Variants in RSAD1 observed in about 807,000 individuals in gnomAD.
The protein encoded by RSAD1 is radical S-adenosyl methionine domain-containing protein 1, mitochondrial.
RSAD1 carries 34 observed loss-of-function variants against 46.2 expected under a neutral mutation model. The ratio of observed to expected loss-of-function variants is 0.74; its 90% confidence interval spans 0.56 to 0.98. The LOEUF (loss-of-function observed/expected upper bound fraction) is 0.98, where lower values mean the gene tolerates loss of function less well. Ranked by LOEUF, RSAD1 falls within the 50% of genes least tolerant of loss-of-function variation. The pLI is 0.00. For synonymous variants in RSAD1, 260 were observed against 253.5 expected (o/e 1.03, Z -0.24); for missense variants, 635 against 592.3 (o/e 1.07, Z -0.75).
chr17:50,482,657 C>T lies in RSAD1; in HGVS notation c.855C>T (p.Thr285=). 1.2e-6 allele frequency: 2 copies of T among 1,614,194 alleles called. No homozygotes were observed. Among genetic ancestry groups the T allele is most frequent in the Non-Finnish European group, 8.5e-7 (1 of 1,180,042 alleles). Residue 285 remains threonine, a synonymous_variant, in exon 5 of 9, where the codon ACC becomes ACT. Coordinates refer to ENST00000258955, the MANE Select transcript of RSAD1 (RefSeq NM_018346.3). ...SNFARNGALS[T]HNWTYWQCGQ... Reference sequence around the variant, plus strand: ...CCTCCCCGCAGGGGGCGCTCAGTACCCACAATTGGACTTACTGGCAGTGTG... The same window carrying T: ...CCTCCCCGCAGGGGGCGCTCAGTACTCACAATTGGACTTACTGGCAGTGTG...
At chr17:50,480,128 A>G in intron 3 of RSAD1, 44 bp downstream of exon 3, 1 of 1,582,560 alleles carries the variant, frequency 6.3e-7, no homozygotes, top group Non-Finnish European at 8.7e-7. Context: ...CCCGCCCTTC[A>G]GTGCCATCTC....
Position 50,480,004 on chromosome 17 carries a change from G to A in RSAD1, c.394G>A (p.Ala132Thr), listed in dbSNP as rs1198142904. The change falls in exon 3 of 9, where the codon GCT becomes ACT. Residue 132 changes from alanine (A) to threonine (T), a missense_variant. Transcript: ENST00000258955. Reference sequence around the variant, plus strand: ...TGCAGACTTGGAAGTCACATTGGAGGCTAATCCTACTTCAGCTCCGGGCTC... The same window carrying A: ...TGCAGACTTGGAAGTCACATTGGAGACTAATCCTACTTCAGCTCCGGGCTC... ...LPADLEVTLE[A>T]NPTSAPGSRL... 6.2e-7 allele frequency: 1 copy of A among 1,614,202 alleles called. No homozygotes were observed. Among genetic ancestry groups the A allele is most frequent in the Non-Finnish European group, 8.5e-7 (1 of 1,180,044 alleles).
At chr17:50,484,067 AG>A (rs1459519235) in intron 7 of RSAD1, 16 of 468,930 alleles carry the variant, frequency 3.4e-5, no homozygotes, top group Non-Finnish European at 5.3e-5. Flanking sequence ...AGATAGATAA[AG>A]GGTTTCCACT....
rs912572444 is a variant in RSAD1, at chr17:50,482,548, C to G, written c.840+92C>G. 1.1e-5 allele frequency: 18 copies of G among 1,611,572 alleles called. No homozygotes were observed. The African/African-American group carries it at 2.1e-4, about 19-fold the overall frequency. ...ACCTTCTGAAGAGAAGGATCCTGGC[C>G]GAGATGGTGGGACATTCTAACCTGG... On this transcript the variant is annotated intron_variant, in intron 4 of 8. Coordinates refer to ENST00000258955, the MANE Select transcript of RSAD1 (RefSeq NM_018346.3).
At position 50,485,144 on chromosome 17, in the gene RSAD1, C is replaced by T. The variant is rs2033437505; in HGVS notation, c.*283C>T. 2.2e-6 allele frequency: 1 copy of T among 455,426 alleles called. No homozygotes were observed. Among genetic ancestry groups the T allele is most frequent in the East Asian group, 3.4e-5 (1 of 29,486 alleles). 28.2% of individuals were successfully genotyped at this position (455,426 alleles called of 1,614,324 possible). A position where few individuals can be genotyped will look rare whatever the true frequency, so the allele number is the denominator to read the frequency against. On this transcript the variant is annotated 3_prime_UTR_variant, in exon 9 of 9. Transcript: ENST00000258955. The stretch of plus-strand genomic sequence containing the variant: ...CAGCTTCTGTTTACCTTTTTGGCAT[C>T]AAATAATGAACAGTGTTTGGAAATC...
At chr17:50,479,257 A>T (rs1201942525) in intron 1 of RSAD1, 2 of 502,706 alleles carry the variant, frequency 4.0e-6, no homozygotes, top group East Asian at 3.4e-5. Context: ...TTCAAATTTC[A>T]TAACAATTTT....
chr17:50,484,658 C>T (rs1417192231), intron 8 of RSAD1, 86 bp from the exon 9 acceptor site: 41 of 1,510,622 alleles, frequency 2.7e-5, no homozygotes, highest in South Asian at 1.3e-4. Flanking sequence ...GCGGGACCTG[C>T]GGGTGCTGGG....
Position 50,478,971 on chromosome 17 carries a change from G to A in RSAD1, c.87G>A (p.Gly29=). Residue 29 remains glycine (G), a synonymous_variant, in exon 1 of 9, where the codon GGG becomes GGA. Coordinates refer to ENST00000258955, the MANE Select transcript of RSAD1 (RefSeq NM_018346.3). ...GCCGCCGCGTGGAGAACGCAGGAGG[G>A]TCCCCGAGTCCTGAGCCTGCGGGCC... The part of the protein sequence containing the change: ...QRRRRVENAG[G]SPSPEPAGRR... 1 of 1,401,050 alleles carries A rather than the reference G, an allele frequency of 7.1e-7. No homozygotes were observed. Among genetic ancestry groups the A allele is most frequent in the Admixed American group, 3.1e-5 (1 of 31,924 alleles). The allele number at this position is 1,401,050 out of a possible 1,614,324, so 86.8% of individuals were successfully genotyped here.
chr17:50,480,091 C>T lies in RSAD1; in HGVS notation c.474+7C>T. On this transcript the variant is annotated splice_region_variant and intron_variant, in intron 3 of 8. Transcript: ENST00000258955. ...GTTGTCTATAGGCCTCCAGGTAACC[C>T]ATGGCACTCACCCCATCCCAGTGCA... is the stretch of plus-strand genomic sequence containing the variant. 6.2e-7 allele frequency: 1 copy of T among 1,613,682 alleles called. No individual in the cohort carries two copies. Among genetic ancestry groups the T allele is most frequent in the Non-Finnish European group, 8.5e-7 (1 of 1,179,866 alleles).
chr17:50,484,631 A>G (rs1160945961), intron 8 of RSAD1, 86 bp downstream of exon 8: 3 of 1,533,174 alleles, frequency 2.0e-6, no homozygotes, highest in African/African-American at 2.7e-5. Flanking sequence ...GAGAAGTGAG[A>G]AAGACTGACT....
Position 50,478,903 on chromosome 17 carries a change from C to A in RSAD1, c.19C>A (p.Arg7=). 5 of 1,316,420 alleles carry A rather than the reference C, an allele frequency of 3.8e-6. No homozygotes were observed. The highest frequency in any genetic ancestry group is 4.8e-6 in the Non-Finnish European group (5 of 1,040,692). The allele number at this position is 1,316,420 out of a possible 1,614,324, so 81.5% of individuals were successfully genotyped here. The stretch of plus-strand genomic sequence containing the variant: ...GGGCGCCATGGCGCTCCCCGGAGCC[C>A]GGGCTCGCGGCTGGGCGGCAGCAGC... MALPGA[R]ARGWAAAARA... Residue 7 remains arginine (R), a synonymous_variant, in exon 1 of 9, where the codon CGG becomes AGG. Transcript: ENST00000258955.
Position 50,480,098 on chromosome 17 carries a change from C to T in RSAD1, c.474+14C>T. The T allele has an allele frequency of 6.2e-7, 1 of 1,613,128 alleles. No homozygotes were observed. The highest frequency in any genetic ancestry group is 1.1e-5 in the South Asian group (1 of 91,054). Reference sequence around the variant, plus strand: ...ATAGGCCTCCAGGTAACCCATGGCACTCACCCCATCCCAGTGCACCCCGCC... The same window carrying T: ...ATAGGCCTCCAGGTAACCCATGGCATTCACCCCATCCCAGTGCACCCCGCC... On this transcript the variant is annotated intron_variant, in intron 3 of 8. Coordinates refer to ENST00000258955, the MANE Select transcript of RSAD1 (RefSeq NM_018346.3).
Position 50,480,052 on chromosome 17 carries a change from G to T in RSAD1, c.442G>T (p.Ala148Ser). The T allele has an allele frequency of 6.2e-7, 1 of 1,614,134 alleles. No individual in the cohort carries two copies. The highest frequency in any genetic ancestry group is 8.5e-7 in the Non-Finnish European group (1 of 1,180,036). Residue 148 changes from alanine (A) to serine (S), a missense_variant, in exon 3 of 9, where the codon GCA becomes TCA. Physicochemically the swap from Ala to Ser is moderately conservative, Grantham distance 99. Coordinates refer to ENST00000258955, the MANE Select transcript of RSAD1 (RefSeq NM_018346.3). The stretch of plus-strand genomic sequence containing the variant: ...CTCCAGACTGGCAGAGTTCGGGGCA[G>T]CAGGGGTTAACAGGTTGTCTATAGG... ...PGSRLAEFGA[A>S]GVNRLSIGLQ...
Position 50,485,006 on chromosome 17 carries a change from C to T in RSAD1, c.*145C>T. ...CCTGGCATCCCCAGGGGAATGGCAG[C>T]AGTGAGGTAGATGGGAGGACATTTC... On this transcript the variant is annotated 3_prime_UTR_variant, in exon 9 of 9. Transcript: ENST00000258955. 1.5e-6 allele frequency: 1 copy of T among 650,956 alleles called. No homozygotes were observed. The highest frequency in any genetic ancestry group is 2.7e-6 in the Non-Finnish European group (1 of 366,414). The allele number at this position is 650,956 out of a possible 1,614,324, so 40.3% of individuals were successfully genotyped here. A position where few individuals can be genotyped will look rare whatever the true frequency, so the allele number is the denominator to read the frequency against.
At position 50,479,888 on chromosome 17, in the gene RSAD1, C is replaced by T; in HGVS notation, c.278C>T (p.Ser93Phe). Residue 93 changes from serine to phenylalanine, a missense_variant, in exon 3 of 9, where the codon TCT becomes TTT. Coordinates refer to ENST00000258955, the MANE Select transcript of RSAD1 (RefSeq NM_018346.3). ...LRLSGVQRVESVFFGGGTPSL... is the reference protein window; with the variant it reads ...LRLSGVQRVEFVFFGGGTPSL... ...CCATTCTCTTTCCCCAGGGTGGAGTCTGTGTTCTTTGGTGGGGGGACCCCC... is the reference window on the plus strand; with the variant it reads ...CCATTCTCTTTCCCCAGGGTGGAGTTTGTGTTCTTTGGTGGGGGGACCCCC... 6.2e-7 allele frequency: 1 copy of T among 1,612,876 alleles called. No homozygotes were observed. Among genetic ancestry groups the T allele is most frequent in the Non-Finnish European group, 8.5e-7 (1 of 1,179,088 alleles).
chr17:50,483,189 A>AAAAAAAAAAAAAGAAAGAAAG (rs779338411), intron 5 of RSAD1, 151 bp from the exon 6 acceptor site: 2 of 228,004 alleles, frequency 8.8e-6, no homozygotes, highest in African/African-American at 9.8e-5. Context: ...AAAAAAAAAA[A>AAAAAAAAAAAAAGAAAGAAAG]AAAGAAAGAA....
At chr17:50,480,146 G>A (rs761012060) in intron 3 of RSAD1, 62 bp downstream of exon 3, 3 of 1,547,298 alleles carry the variant, frequency 1.9e-6, no homozygotes, top group Non-Finnish European at 8.9e-7. Context: ...CTCCTCTTTG[G>A]TCACATTCAT....
chr17:50,484,893 A>G lies in RSAD1; in HGVS notation c.*32A>G, dbSNP rs184207885. On this transcript the variant is annotated 3_prime_UTR_variant, in exon 9 of 9. Transcript: ENST00000258955. ...TGTTCCTGTGTTCCAGGGTAATGCC[A>G]GGTGGGTTTTGAGAGCTGGGTCGGT... is the stretch of plus-strand genomic sequence containing the variant. The G allele has an allele frequency of 6.3e-7, 1 of 1,591,648 alleles. No homozygotes were observed. The highest frequency in any genetic ancestry group is 2.2e-5 in the East Asian group (1 of 44,730).
At chr17:50,484,566 C>G in intron 8 of RSAD1, 21 bp downstream of exon 8, 1 of 1,608,282 alleles carries the variant, frequency 6.2e-7, no homozygotes, top group Non-Finnish European at 8.5e-7. Flanking sequence ...GGGTGCCGGG[C>G]AGAGGGGGCT....
Sources: allele counts gnomAD v4.1 joint callset, GRCh38; gene constraint gnomAD v4.1.1; transcripts MANE v1.5; gene names NCBI Gene and HGNC (gene_info 2026-07-23, HGNC 2026-07-21).